Variants in ERCC3 observed in about 807,000 individuals in gnomAD.
ERCC3 encodes the protein general transcription and DNA repair factor IIH helicase/translocase subunit XPB.
A neutral mutation model predicts 94.2 loss-of-function variants in ERCC3; 66 were observed. That is an observed-to-expected ratio of 0.70 (90% confidence interval 0.57 to 0.86). The LOEUF (loss-of-function observed/expected upper bound fraction) is 0.86. ERCC3 is among the 40% of genes least tolerant of loss of function. The pLI is 0.00. For synonymous variants in ERCC3, 349 were observed against 369.1 expected (o/e 0.95, Z 0.63); for missense variants, 829 against 987.1 (o/e 0.84, Z 2.15).
intron 8 of ERCC3, among the ~76,000 whole-genome samples, chr2:127,281,848 T>C (rs1176455087): frequency 3.3e-5 from 5 of 151,960 alleles, no homozygotes; most frequent in African/African-American, 7.2e-5. Flanking sequence ...GGCTCCAAAA[T>C]ACAGTAGCCA....
At position 127,259,619 on chromosome 2, in the gene ERCC3, C is replaced by T. The variant is rs906309851; in HGVS notation, c.2065-171G>A. On this transcript the variant is annotated intron_variant, in intron 13 of 14. Coordinates refer to ENST00000285398, the MANE Select transcript of ERCC3 (RefSeq NM_000122.2). The surrounding 1 kb of genome is among the most constrained non-coding windows in gnomAD (Gnocchi z 4.9). Reference sequence around the variant, plus strand: ...CATTCCAGAGACCAGCATCAGGAGCCGCCTTTAACAGGGAGCTTGACTAAT... The same window carrying T: ...CATTCCAGAGACCAGCATCAGGAGCTGCCTTTAACAGGGAGCTTGACTAAT... The T allele has an allele frequency of 2.2e-5, 17 of 784,870 alleles. No individual in the cohort carries two copies. The highest frequency in any genetic ancestry group is 8.5e-5 in the African/African-American group (5 of 58,828). 48.6% of individuals were successfully genotyped at this position (784,870 alleles called of 1,614,324 possible). A position where few individuals can be genotyped will look rare whatever the true frequency, so the allele number is the denominator to read the frequency against.
chr2:127,259,920 A>G lies in ERCC3; in HGVS notation c.2065-472T>C. On this transcript the variant is annotated intron_variant, in intron 13 of 14. Coordinates refer to ENST00000285398, the MANE Select transcript of ERCC3 (RefSeq NM_000122.2). The surrounding 1 kb of genome is among the most constrained non-coding windows in gnomAD (Gnocchi z 4.9). Reference sequence around the variant, plus strand: ...GTGAAAATGAAAATGATAGGATATCAGGAAGATTATTTATAGAGCTTCTCT... The same window carrying G: ...GTGAAAATGAAAATGATAGGATATCGGGAAGATTATTTATAGAGCTTCTCT... 4.1e-6 allele frequency: 1 copy of G among 245,868 alleles called. No homozygotes were observed. The highest frequency in any genetic ancestry group is 8.0e-6 in the Non-Finnish European group (1 of 124,430). 15.2% of individuals were successfully genotyped at this position (245,868 alleles called of 1,614,324 possible). A position where few individuals can be genotyped will look rare whatever the true frequency, so the allele number is the denominator to read the frequency against.
Position 127,292,816 on chromosome 2 carries a change from A to C in ERCC3, c.265T>G (p.Phe89Val), listed in dbSNP as rs1004141219. 41 of 1,613,486 alleles carry C rather than the reference A, an allele frequency of 2.5e-5. No homozygotes were observed. Among genetic ancestry groups the C allele is most frequent in the Non-Finnish European group, 3.2e-5 (38 of 1,179,872 alleles). ...APDGHIFLEAFSPVYKYAQDF... is the reference protein window; with the variant it reads ...APDGHIFLEAVSPVYKYAQDF... The stretch of plus-strand genomic sequence containing the variant: ...TGGGCATATTTGTAAACTGGAGAGA[A>C]GGCTTCCAAGAAGATATGGCCATCG... The change falls in exon 3 of 15, where the codon TTC becomes GTC. Residue 89 changes from phenylalanine (F) to valine (V), a missense_variant. Transcript: ENST00000285398.
At chr2:127,285,850 C>CA (rs899304227) in intron 8 of ERCC3, among the ~76,000 whole-genome samples, 50 of 136,072 alleles carry the variant, frequency 3.7e-4, no homozygotes, top group East Asian at 1.0e-3. Flanking sequence ...GATGCCATCT[C>CA]AAAAAAAAAA....
At chr2:127,287,698 G>C (rs1348381761) in intron 7 of ERCC3, among the ~76,000 whole-genome samples, 1 of 152,112 alleles carries the variant, frequency 6.6e-6, no homozygotes, top group African/African-American at 2.4e-5. Flanking sequence ...CACAGCCACG[G>C]GACAGTGAAG....
At chr2:127,263,169 A>AT (rs1278962233) in intron 12 of ERCC3, among the ~76,000 whole-genome samples, 1 of 152,156 alleles carries the variant, frequency 6.6e-6, no homozygotes, top group African/African-American at 2.4e-5. Flanking sequence ...GATGAATTTT[A>AT]TAAGTTTTTT....
rs533600271 is a variant in ERCC3 at position 127,284,687 on chromosome 2, A to AT, written c.1342+2015dup. On this transcript the variant is annotated intron_variant, in intron 8 of 14. Coordinates refer to ENST00000285398, the MANE Select transcript of ERCC3 (RefSeq NM_000122.2). This position sits in a 1 kb window ranked among gnomAD's most constrained non-coding sequence, Gnocchi z 4.1. ...AATTTACCCTAATCTGTTCATCTTT[A>AT]TTTTTTTTTTTTGAGACAGAGTCTC... 0.015 allele frequency among the ~76,000 whole-genome samples: 2,221 copies of AT among 145,670 alleles called. 54 individuals are homozygous for AT. The highest frequency in any genetic ancestry group is 0.051 in the African/African-American group (2,026 of 39,762).
At chr2:127,262,171 A>G (rs2104733384) in intron 12 of ERCC3, 2 of 152,464 alleles carry the variant, frequency 1.3e-5, no homozygotes, top group Middle Eastern at 3.4e-3. Flanking sequence ...GTACTGACAG[A>G]TGCTACAATA....
At chr2:127,270,040 CAATCAATA>C (rs1260293166) in intron 12 of ERCC3, among the ~76,000 whole-genome samples, 1 of 151,680 alleles carries the variant, frequency 6.6e-6, no homozygotes, top group African/African-American at 2.4e-5. Flanking sequence ...ATCAATCAAT[CAATCAATA>C]AAGGAGTTTT....
chr2:127,266,719 T>TA (rs1558949894), intron 12 of ERCC3, among the ~76,000 whole-genome samples: 1 of 144,340 alleles, frequency 6.9e-6, no homozygotes. Context: ...ATTTTTTTTT[T>TA]TTTTTTTTTT....
At position 127,259,185 on chromosome 2, in the gene ERCC3, C is replaced by CA. The variant is rs1684112894; in HGVS notation, c.2217+110dup. 6 of 1,321,502 alleles carry CA rather than the reference C, an allele frequency of 4.5e-6. No individual in the cohort carries two copies. Among genetic ancestry groups the CA allele is most frequent in the Non-Finnish European group, 6.5e-6 (6 of 929,478 alleles). 81.9% of individuals were successfully genotyped at this position (1,321,502 alleles called of 1,614,324 possible). ...TCTCTTCCGTGTTTTCCAACATTTC[C>CA]AAAAAAATCCCATGGGCCCATCCAG... On this transcript the variant is annotated intron_variant, in intron 14 of 14. Transcript: ENST00000285398. The surrounding 1 kb of genome is among the most constrained non-coding windows in gnomAD (Gnocchi z 4.9).
At chr2:127,285,289 G>A (rs1685029111) in intron 8 of ERCC3, among the ~76,000 whole-genome samples, 1 of 152,216 alleles carries the variant, frequency 6.6e-6, no homozygotes, top group African/African-American at 2.4e-5. Context: ...GCCGAATGCA[G>A]TGGCTCACGT....
At chr2:127,275,156 C>G (rs1261403085) in intron 10 of ERCC3, among the ~76,000 whole-genome samples, 2 of 152,146 alleles carry the variant, frequency 1.3e-5, no homozygotes, top group Admixed American at 1.3e-4. Context: ...GAATCCCCAC[C>G]ACACACGAGC....
rs1412774785 is a variant in ERCC3 at position 127,284,598 on chromosome 2, G to T, written c.1342+2105C>A. On this transcript the variant is annotated intron_variant, in intron 8 of 14. Transcript: ENST00000285398. The surrounding 1 kb of genome is among the most constrained non-coding windows in gnomAD (Gnocchi z 4.1). Reference sequence around the variant, plus strand: ...GATGCTGGGGCCATTTTGACATTTTGAACACTACCTGTGAAAATGCCTCAG... The same window carrying T: ...GATGCTGGGGCCATTTTGACATTTTTAACACTACCTGTGAAAATGCCTCAG... Among the ~76,000 whole-genome samples, 1 of 152,114 alleles carries T rather than the reference G, an allele frequency of 6.6e-6. No individual in the cohort carries two copies. Among genetic ancestry groups the T allele is most frequent in the African/African-American group, 2.4e-5 (1 of 41,410 alleles).
At chr2:127,286,610 G>A in intron 8 of ERCC3, 93 bp downstream of exon 8, 1 of 1,192,356 alleles carries the variant, frequency 8.4e-7, no homozygotes, top group Non-Finnish European at 1.2e-6. Context: ...CTAGCCAGTT[G>A]GGTGGGCTAC....
At chr2:127,283,941 A>C (rs1006032334) in intron 8 of ERCC3, among the ~76,000 whole-genome samples, 2 of 152,210 alleles carry the variant, frequency 1.3e-5, no homozygotes, top group African/African-American at 4.8e-5. Context: ...AGGAAACTCA[A>C]ATTCACACAT....
Position 127,271,289 on chromosome 2 carries a change from T to G in ERCC3, c.1945+47A>C. 1 of 1,328,482 alleles carries G rather than the reference T, an allele frequency of 7.5e-7. No individual in the cohort carries two copies. Among genetic ancestry groups the G allele is most frequent in the Non-Finnish European group, 1.1e-6 (1 of 919,316 alleles). 82.3% of individuals were successfully genotyped at this position (1,328,482 alleles called of 1,614,324 possible). ...CCTATCGTCTTCCTAACTAAAGTGGTTTAAGAGGAGTGACCTCCTGCAACA... is the reference window on the plus strand; with the variant it reads ...CCTATCGTCTTCCTAACTAAAGTGGGTTAAGAGGAGTGACCTCCTGCAACA... On this transcript the variant is annotated intron_variant, in intron 12 of 14. Transcript: ENST00000285398. This position sits in a 1 kb window ranked among gnomAD's most constrained non-coding sequence, Gnocchi z 5.0.
intron 2 of ERCC3, 45 bp from the exon 3 acceptor site, chr2:127,292,891 G>A: frequency 1.6e-6 from 2 of 1,237,362 alleles, no homozygotes; most frequent in Non-Finnish European, 2.4e-6. Flanking sequence ...AACATGAGTT[G>A]CAGAGACTAC....
intron 12 of ERCC3, among the ~76,000 whole-genome samples, chr2:127,268,304 G>A (rs956794364): frequency 1.3e-5 from 2 of 151,902 alleles, no homozygotes; most frequent in Admixed American, 6.6e-5. Flanking sequence ...TGTTGCCCAA[G>A]GTGGAATACC....
Sources: gnomAD v4.1 joint callset for allele counts (sites outside exome capture counted in the v4.1 genomes callset) on GRCh38, gnomAD v4.1.1 for gene constraint, Gnocchi (gnomAD v3.1) non-coding constraint, MANE v1.5 for transcripts, NCBI Gene and HGNC (gene_info 2026-07-23, HGNC 2026-07-21) for gene names.